Variants in XKR4 observed in about 807,000 individuals in gnomAD.
The protein encoded by XKR4 is XK-related protein 4.
A neutral mutation model predicts 53.9 loss-of-function variants in XKR4; 12 were observed. The observed-to-expected ratio is 0.22, with a 90% CI of 0.14 to 0.36. The LOEUF (loss-of-function observed/expected upper bound fraction) is 0.36, where lower values mean the gene tolerates loss of function less well. Ranked by LOEUF, XKR4 falls within the 10% of genes least tolerant of loss-of-function variation. The pLI, the probability that XKR4 is intolerant of heterozygous loss-of-function variation, is 1.00. For missense variants in XKR4, 799 were observed against 859.5 expected (o/e 0.93, Z 0.88); for synonymous variants, 354 against 362.4 (o/e 0.98, Z 0.26).
intron 1 of XKR4, among the ~76,000 whole-genome samples, chr8:55,235,428 T>G (rs1818105648): frequency 6.6e-6 from 1 of 152,188 alleles, no homozygotes; most frequent in South Asian, 2.1e-4. Flanking sequence ...AAAAAATATC[T>G]GCCTCGTAGG....
At chr8:55,329,273 T>G (rs1012992656) in intron 1 of XKR4, among the ~76,000 whole-genome samples, 1 of 152,160 alleles carries the variant, frequency 6.6e-6, no homozygotes, top group Non-Finnish European at 1.5e-5. Context: ...TATAGAGTCT[T>G]AAGCTTGTTT....
intron 2 of XKR4, among the ~76,000 whole-genome samples, chr8:55,401,106 C>T (rs1221493933): frequency 4.6e-5 from 7 of 152,180 alleles, no homozygotes. Context: ...GGTCAGTAAC[C>T]GTGGAGACAC....
At chr8:55,225,853 G>C (rs2129366093) in intron 1 of XKR4, among the ~76,000 whole-genome samples, 1 of 152,318 alleles carries the variant, frequency 6.6e-6, no homozygotes, top group East Asian at 1.9e-4. Flanking sequence ...AATGTCTCAA[G>C]TGTTTTAGTT....
chr8:55,226,005 G>A (rs1005612079), intron 1 of XKR4, among the ~76,000 whole-genome samples: 13 of 152,120 alleles, frequency 8.5e-5, no homozygotes, highest in Admixed American at 1.3e-4. Flanking sequence ...AGACAACACC[G>A]TCCCTGACCA....
chr8:55,220,018 A>C (rs1187366991), intron 1 of XKR4, among the ~76,000 whole-genome samples: 3 of 152,154 alleles, frequency 2.0e-5, no homozygotes, highest in Non-Finnish European at 2.9e-5. Flanking sequence ...CCATAGTTAA[A>C]AATAATATAT....
At chr8:55,412,523 G>A (rs186138055) in intron 2 of XKR4, among the ~76,000 whole-genome samples, 4 of 152,276 alleles carry the variant, frequency 2.6e-5, no homozygotes, top group African/African-American at 7.2e-5. Flanking sequence ...TGCACCCGGC[G>A]CTGCGGTTTG....
intron 1 of XKR4, among the ~76,000 whole-genome samples, chr8:55,146,835 G>A (rs1366695923): frequency 1.3e-5 from 2 of 152,226 alleles, no homozygotes; most frequent in East Asian, 1.9e-4. Flanking sequence ...CTTCAGGGAT[G>A]TACCACCTTC....
intron 1 of XKR4, among the ~76,000 whole-genome samples, chr8:55,139,217 G>A (rs1157100979): frequency 6.6e-6 from 1 of 152,126 alleles, no homozygotes; most frequent in East Asian, 1.9e-4. Flanking sequence ...TGATGAGAAG[G>A]GACTTGCAAT....
intron 1 of XKR4, among the ~76,000 whole-genome samples, chr8:55,297,540 C>T (rs1265360524): frequency 6.6e-6 from 1 of 152,120 alleles, no homozygotes; most frequent in African/African-American, 2.4e-5. Flanking sequence ...TGGCCATGAC[C>T]TACTGAGATA....
At chr8:55,321,637 A>T (rs1173329176) in intron 1 of XKR4, among the ~76,000 whole-genome samples, 1 of 152,226 alleles carries the variant, frequency 6.6e-6, no homozygotes, top group African/African-American at 2.4e-5. Context: ...TTAAAAATGT[A>T]TAAACTAGAT....
chr8:55,168,076 T>C (rs545363265), intron 1 of XKR4, among the ~76,000 whole-genome samples: 1 of 152,328 alleles, frequency 6.6e-6, no homozygotes, highest in South Asian at 2.1e-4. Flanking sequence ...TGGGAAACTC[T>C]TAGATTCTTT....
chr8:55,243,230 C>T (rs1352886664), intron 1 of XKR4, among the ~76,000 whole-genome samples: 2 of 152,144 alleles, frequency 1.3e-5, no homozygotes, highest in Admixed American at 6.5e-5. Context: ...GTTCACTCTT[C>T]GTGGTGTACA....
In XKR4 at chr8:55,523,861, G is replaced by A. The variant is rs773340256; in HGVS notation, c.1587G>A (p.Glu529=). ...GGCAGTCACCAAGTTGTGCTTGTGAGGACCCAGCCGCTGCCTTCACTTTGC... is the reference window on the plus strand; with the variant it reads ...GGCAGTCACCAAGTTGTGCTTGTGAAGACCCAGCCGCTGCCTTCACTTTGC... ...RFGQSPSCAC[E]DPAAAFTLPP... is the part of the protein sequence containing the mutation. The change falls in exon 3 of 3, where the codon GAG becomes GAA. Residue 529 remains glutamate (E), a synonymous_variant. Coordinates refer to ENST00000327381, the MANE Select transcript of XKR4 (RefSeq NM_052898.2). 1.9e-6 allele frequency: 3 copies of A among 1,614,182 alleles called. No homozygotes were observed. The highest frequency in any genetic ancestry group is 1.7e-6 in the Non-Finnish European group (2 of 1,180,026).
chr8:55,124,038 C>T (rs1816428045), intron 1 of XKR4, among the ~76,000 whole-genome samples: 1 of 152,116 alleles, frequency 6.6e-6, no homozygotes, highest in Non-Finnish European at 1.5e-5. Context: ...ATCTTTAAAA[C>T]AAGGTGAGTT....
At chr8:55,126,889 G>A (rs1168071737) in intron 1 of XKR4, among the ~76,000 whole-genome samples, 1 of 152,170 alleles carries the variant, frequency 6.6e-6, no homozygotes, top group Non-Finnish European at 1.5e-5. Flanking sequence ...ATGTACAAAA[G>A]CCCAAGTAAT....
At chr8:55,500,226 AGC>A (rs1806416883) in intron 2 of XKR4, among the ~76,000 whole-genome samples, 1 of 151,244 alleles carries the variant, frequency 6.6e-6, no homozygotes, top group African/African-American at 2.4e-5. Context: ...AGAACATTGC[AGC>A]AACAAGGAAA....
chr8:55,225,821 T>G (rs1359368085), intron 1 of XKR4, among the ~76,000 whole-genome samples: 1 of 152,248 alleles, frequency 6.6e-6, no homozygotes, highest in African/African-American at 2.4e-5. Flanking sequence ...AACTAGATAC[T>G]CCACATAAAA....
chr8:55,133,009 A>G (rs1563464502), intron 1 of XKR4, among the ~76,000 whole-genome samples: 2 of 152,186 alleles, frequency 1.3e-5, no homozygotes, highest in Non-Finnish European at 2.9e-5. Context: ...CTATGTGACC[A>G]GGTTGGTCCT....
chr8:55,455,068 C>G lies in XKR4; in HGVS notation c.1007-68213C>G, dbSNP rs1805537993. On this transcript the variant is annotated intron_variant, in intron 2 of 2. Transcript: ENST00000327381. ...CCGGGAAGAACTGCAGAATCTGGCCCTGGCCTTTCCCACTCCCGCGCGGGT... is the reference window on the plus strand; with the variant it reads ...CCGGGAAGAACTGCAGAATCTGGCCGTGGCCTTTCCCACTCCCGCGCGGGT... 47 of 711,350 alleles carry G rather than the reference C, an allele frequency of 6.6e-5. No homozygotes were observed. The South Asian group carries it at 6.8e-4, about 10-fold the overall frequency. 44.1% of individuals were successfully genotyped at this position (711,350 alleles called of 1,614,324 possible).
Sources: gnomAD v4.1 joint callset for allele counts (sites outside exome capture counted in the v4.1 genomes callset) on GRCh38, gnomAD v4.1.1 for gene constraint, MANE v1.5 for transcripts, NCBI Gene and HGNC (gene_info 2026-07-23, HGNC 2026-07-21) for gene names.